Variants in SLMAP observed in about 807,000 individuals in gnomAD.
The protein encoded by SLMAP is sarcolemmal membrane-associated protein.
Under a neutral mutation model 128.8 loss-of-function variants are expected in SLMAP, and 44 were observed. That is an observed-to-expected ratio of 0.34 (90% CI 0.27 to 0.44). SLMAP has a LOEUF of 0.44. Ranked by LOEUF, SLMAP falls within the 20% of genes least tolerant of loss-of-function variation. The probability of loss-of-function intolerance (pLI) is 1.00; values close to 1 mark genes in which losing one functional copy is unlikely to be tolerated. For synonymous variants in SLMAP, 327 were observed against 348.8 expected, an observed-to-expected ratio of 0.94 and a Z score of 0.70; for missense variants, 787 against 985.3, an observed-to-expected ratio of 0.80 and a Z score of 2.69.
At chr3:57,766,913 A>T (rs535998779) in intron 2 of SLMAP, among the ~76,000 whole-genome samples, 7 of 151,562 alleles carry the variant, frequency 4.6e-5, no homozygotes, top group African/African-American at 1.7e-4. Context: ...TCTTTTTTTT[A>T]AATTTATTTT....
chr3:57,876,157 TAGAA>T (rs2095598737), intron 14 of SLMAP, among the ~76,000 whole-genome samples: 1 of 152,238 alleles, frequency 6.6e-6, no homozygotes, highest in Non-Finnish European at 1.5e-5. Context: ...TTTTAAAAAT[TAGAA>T]AGCAAATCAT....
At chr3:57,846,388 G>A (rs754035725) in intron 4 of SLMAP, among the ~76,000 whole-genome samples, 10 of 152,074 alleles carry the variant, frequency 6.6e-5, no homozygotes, top group Non-Finnish European at 1.0e-4. Flanking sequence ...GAGGTGGCTG[G>A]GTAGAGAAGA....
chr3:57,847,619 A>G (rs1413373535), intron 5 of SLMAP, among the ~76,000 whole-genome samples: 3 of 152,220 alleles, frequency 2.0e-5, no homozygotes, highest in Non-Finnish European at 4.4e-5. Flanking sequence ...ACAGAAATAC[A>G]GGCTTACAAA....
intron 2 of SLMAP, among the ~76,000 whole-genome samples, chr3:57,771,389 C>G (rs2080866092): frequency 6.6e-6 from 1 of 152,122 alleles, no homozygotes; most frequent in South Asian, 2.1e-4. Context: ...TGCCACCATG[C>G]CTAGCTAACT....
chr3:57,905,013 G>A (rs2096492286), intron 17 of SLMAP, among the ~76,000 whole-genome samples: 1 of 152,272 alleles, frequency 6.6e-6, no homozygotes, highest in Admixed American at 6.5e-5. Flanking sequence ...TAAGGCTGCA[G>A]TGAACTGTGA....
intron 14 of SLMAP, among the ~76,000 whole-genome samples, chr3:57,882,072 T>C (rs905020069): frequency 2.0e-5 from 3 of 152,186 alleles, no homozygotes; most frequent in Middle Eastern, 3.2e-3. Flanking sequence ...CCAGTACTGT[T>C]CAAACTTTTT....
chr3:57,823,933 C>G (rs1347862555), intron 2 of SLMAP, among the ~76,000 whole-genome samples: 1 of 152,126 alleles, frequency 6.6e-6, no homozygotes, highest in African/African-American at 2.4e-5. Flanking sequence ...GAGATGGTAT[C>G]TCATTGTGGT....
At chr3:57,802,997 G>A (rs2088920894) in intron 2 of SLMAP, among the ~76,000 whole-genome samples, 1 of 151,986 alleles carries the variant, frequency 6.6e-6, no homozygotes, top group South Asian at 2.1e-4. Flanking sequence ...GAGAGTTAAA[G>A]TGCAGTGATT....
intron 3 of SLMAP, among the ~76,000 whole-genome samples, chr3:57,837,931 G>GA (rs1461029565): frequency 1.7e-4 from 26 of 152,334 alleles, no homozygotes; most frequent in Non-Finnish European, 2.6e-4. Context: ...AGCTTAGTCA[G>GA]ACGTGGGTTA....
chr3:57,789,176 A>G (rs1282705376), intron 2 of SLMAP, among the ~76,000 whole-genome samples: 1 of 152,218 alleles, frequency 6.6e-6, no homozygotes, highest in East Asian at 1.9e-4. Context: ...GTTGGTAAGG[A>G]AAAAATTATT....
At chr3:57,808,192 T>G (rs571740723) in intron 2 of SLMAP, among the ~76,000 whole-genome samples, 20 of 152,202 alleles carry the variant, frequency 1.3e-4, no homozygotes, top group Non-Finnish European at 2.2e-4. Context: ...TTTTGTTAAT[T>G]TTTTCAAAAA....
intron 15 of SLMAP, among the ~76,000 whole-genome samples, chr3:57,892,436 A>G (rs1035836647): frequency 6.6e-6 from 1 of 152,180 alleles, no homozygotes; most frequent in Non-Finnish European, 1.5e-5. Flanking sequence ...AGAGGTAGAA[A>G]GAATATGTGT....
At chr3:57,781,981 T>C (rs2083187072) in intron 2 of SLMAP, among the ~76,000 whole-genome samples, 1 of 152,118 alleles carries the variant, frequency 6.6e-6, no homozygotes, top group African/African-American at 2.4e-5. Flanking sequence ...TGACTGCCCA[T>C]GTCAGCCTTC....
At chr3:57,857,654 G>C (rs1048993126) in intron 6 of SLMAP, 79 bp from the exon 7 acceptor site, 48 of 924,064 alleles carry the variant, frequency 5.2e-5, no homozygotes, top group Non-Finnish European at 7.7e-5. Context: ...AAATATTTTA[G>C]AATATGCTGA....
chr3:57,831,339 A>G lies in SLMAP; in HGVS notation c.199-44A>G, dbSNP rs545073796. ...TTTAAAAAGTACATTTGGAATTATT[A>G]CTATTAATATTTGGCCCTTTTTTGT... On this transcript the variant is annotated intron_variant, in intron 2 of 24. Coordinates refer to ENST00000671191, the MANE Select transcript of SLMAP (RefSeq NM_001377540.1). 20 of 1,263,874 alleles carry G rather than the reference A, an allele frequency of 1.6e-5. No individual in the cohort carries two copies. The South Asian group carries it at 3.4e-4, about 21-fold the overall frequency. The allele number at this position is 1,263,874 out of a possible 1,614,324, so 78.3% of individuals were successfully genotyped here.
At position 57,857,693 on chromosome 3, in the gene SLMAP, A is replaced by G. The variant is rs749468154; in HGVS notation, c.520-40A>G. ...TTGATCACTCCTCAAAAGAATCATG[A>G]TGAGCTTATTAGAATCTGTTTTGTG... On this transcript the variant is annotated intron_variant, in intron 6 of 24. Transcript: ENST00000671191. The G allele has an allele frequency of 4.2e-5, 55 of 1,310,296 alleles. No homozygotes were observed. The Middle Eastern group carries it at 5.5e-4, about 13-fold the overall frequency. 81.2% of individuals were successfully genotyped at this position (1,310,296 alleles called of 1,614,324 possible).
intron 2 of SLMAP, among the ~76,000 whole-genome samples, chr3:57,823,518 C>T (rs1412535204): frequency 2.6e-5 from 4 of 151,616 alleles, no homozygotes; most frequent in African/African-American, 7.3e-5. Context: ...TGGTTTCCAG[C>T]TTCATCCATG....
At chr3:57,908,081 G>A (rs936442666) in intron 18 of SLMAP, 75 bp downstream of exon 18, 5 of 1,383,376 alleles carry the variant, frequency 3.6e-6, no homozygotes, top group South Asian at 1.3e-5. Flanking sequence ...CCCAAACTTG[G>A]AGTCCGGAGG....
chr3:57,917,413 G>A (rs2096834867), intron 22 of SLMAP: 1 of 346,222 alleles, frequency 2.9e-6, no homozygotes, highest in African/African-American at 2.1e-5. Flanking sequence ...GCATACTTTT[G>A]GAAAGCAAAC....
Sources: allele counts gnomAD v4.1 joint callset (sites outside exome capture counted in the v4.1 genomes callset), GRCh38; gene constraint gnomAD v4.1.1; transcripts MANE v1.5; gene names NCBI Gene and HGNC (gene_info 2026-07-23, HGNC 2026-07-21).